Variants in GRIK1 observed in about 807,000 individuals in gnomAD.
The protein encoded by GRIK1 is glutamate receptor ionotropic, kainate 1.
Under a neutral mutation model 105.7 loss-of-function variants are expected in GRIK1, and 69 were observed. The observed-to-expected ratio is 0.65, with a 90% CI of 0.54 to 0.80. The LOEUF is 0.80. Among genes scored for constraint, GRIK1 ranks in the 30% least tolerant of loss-of-function variants. The pLI, the probability that GRIK1 is intolerant of heterozygous loss-of-function variation, is 0.00. For missense variants in GRIK1, 1,109 were observed against 1,167.3 expected (o/e 0.95, Z 0.73); for synonymous variants, 438 against 431.3 (o/e 1.02, Z -0.19).
intron 9 of GRIK1, among the ~76,000 whole-genome samples, chr21:29,591,515 T>A (rs1362286033): frequency 2.6e-5 from 4 of 152,198 alleles, no homozygotes; most frequent in Non-Finnish European, 5.9e-5. Context: ...AATTCTTAAA[T>A]GAATATCAGA....
At chr21:29,789,842 A>G (rs1280270466) in intron 1 of GRIK1, among the ~76,000 whole-genome samples, 1 of 152,160 alleles carries the variant, frequency 6.6e-6, no homozygotes, top group African/African-American at 2.4e-5. Flanking sequence ...TAATGGGGAA[A>G]CCAGTGTTTA....
chr21:29,937,030 G>C (rs1020889504), intron 1 of GRIK1, among the ~76,000 whole-genome samples: 1 of 152,152 alleles, frequency 6.6e-6, no homozygotes, highest in African/African-American at 2.4e-5. Flanking sequence ...TGGTTTGTTG[G>C]AAAGAAGAAT....
chr21:29,786,954 CT>C (rs2066276843), intron 1 of GRIK1, among the ~76,000 whole-genome samples: 1 of 152,184 alleles, frequency 6.6e-6, no homozygotes, highest in African/African-American at 2.4e-5. Flanking sequence ...TCACTAAACC[CT>C]TTCATAGCTC....
At chr21:29,925,433 T>C (rs1034218036) in intron 1 of GRIK1, among the ~76,000 whole-genome samples, 2 of 152,208 alleles carry the variant, frequency 1.3e-5, no homozygotes, top group African/African-American at 4.8e-5. Context: ...ATAATATATG[T>C]ATTTTTATAA....
At chr21:29,705,676 A>G (rs1171968690) in intron 1 of GRIK1, among the ~76,000 whole-genome samples, 2 of 152,172 alleles carry the variant, frequency 1.3e-5, no homozygotes, top group Admixed American at 1.3e-4. Context: ...TTCATATCAG[A>G]TTTATACTAT....
chr21:29,539,758 T>C (rs1242680198), intron 16 of GRIK1, among the ~76,000 whole-genome samples: 2 of 152,164 alleles, frequency 1.3e-5, no homozygotes, highest in Non-Finnish European at 2.9e-5. Context: ...GAAAAGAGTG[T>C]CAAGAAGTTT....
chr21:29,864,633 T>C (rs1385235835), intron 1 of GRIK1, among the ~76,000 whole-genome samples: 1 of 152,234 alleles, frequency 6.6e-6, no homozygotes. Context: ...ATTATAATAG[T>C]GTAGTTTGAA....
At chr21:29,561,352 A>G (rs920084833) in intron 15 of GRIK1, among the ~76,000 whole-genome samples, 6 of 152,272 alleles carry the variant, frequency 3.9e-5, no homozygotes, top group African/African-American at 1.4e-4. Flanking sequence ...TCTCTTTAAG[A>G]TATTTGGGGT....
chr21:29,754,048 C>T (rs1017616138), intron 1 of GRIK1, among the ~76,000 whole-genome samples: 2 of 152,034 alleles, frequency 1.3e-5, no homozygotes, highest in Non-Finnish European at 1.5e-5. Flanking sequence ...CTGCAGTATG[C>T]GGACCAGTCT....
intron 1 of GRIK1, among the ~76,000 whole-genome samples, chr21:29,694,363 A>G (rs996089713): frequency 1.3e-5 from 2 of 151,988 alleles, no homozygotes; most frequent in African/African-American, 4.8e-5. Flanking sequence ...ACCTCAGGTG[A>G]TCCACCCGCC....
intron 1 of GRIK1, among the ~76,000 whole-genome samples, chr21:29,784,439 T>C (rs562239940): frequency 4.6e-5 from 7 of 152,350 alleles, no homozygotes; most frequent in South Asian, 2.1e-4. Context: ...GGGATCAGAA[T>C]GACAACCCTC....
rs969309714 is a variant in GRIK1 at position 29,682,936 on chromosome 21, A to AC, written c.544+6791_544+6792insG. On this transcript the variant is annotated intron_variant, in intron 3 of 17. Transcript: ENST00000327783. ...ATAAAGAACTTACATCAACAAACAA[A>AC]AAAAAACCAAATAACCCCATTAAAA... Among the ~76,000 whole-genome samples, 15 of 152,130 alleles carry AC rather than the reference A, an allele frequency of 9.9e-5. No homozygotes were observed. In the East Asian group the frequency reaches 2.1e-3, roughly 22 times the overall value.
At chr21:29,684,373 A>T (rs2063445872) in intron 3 of GRIK1, among the ~76,000 whole-genome samples, 1 of 152,132 alleles carries the variant, frequency 6.6e-6, no homozygotes, top group African/African-American at 2.4e-5. Context: ...TATCTAATTG[A>T]TCATCTACCT....
Position 29,908,607 on chromosome 21 carries a change from G to C in GRIK1, c.118+30776C>G, listed in dbSNP as rs868558226. ...TCAAAATCAAGCTACCTCACTAGTC[G>C]AGACAAGCTGCATCTCAGGCATTTG... is the stretch of plus-strand genomic sequence containing the variant. On this transcript the variant is annotated intron_variant, in intron 1 of 17. Transcript: ENST00000327783. Among the ~76,000 whole-genome samples the C allele has an allele frequency of 3.2e-4, 49 of 152,188 alleles. 1 individual carries two copies. The highest frequency in any genetic ancestry group is 1.0e-3 in the African/African-American group (42 of 41,450).
At chr21:29,615,979 T>A (rs1268049026) in intron 7 of GRIK1, among the ~76,000 whole-genome samples, 1 of 152,224 alleles carries the variant, frequency 6.6e-6, no homozygotes, top group Non-Finnish European at 1.5e-5. Flanking sequence ...ACAGTACACC[T>A]GTTCTATTCT....
At chr21:29,864,755 G>A (rs556096683) in intron 1 of GRIK1, among the ~76,000 whole-genome samples, 1 of 151,916 alleles carries the variant, frequency 6.6e-6, no homozygotes, top group South Asian at 2.1e-4. Flanking sequence ...ATCGTTTGTT[G>A]TCCATCAGTT....
rs146300637 is a variant in GRIK1 at position 29,765,295 on chromosome 21, C to CT, written c.119-71233dup. Among the ~76,000 whole-genome samples the CT allele has an allele frequency of 9.2e-3, 1,406 of 152,178 alleles. 23 individuals carry two copies. The highest frequency in any genetic ancestry group is 0.032 in the African/African-American group (1,343 of 41,546). ...TTTTATAAGAAAATCTAATATGTCT[C>CT]TTTTTTCTGCTTGCTTTTATGAGTA... On this transcript the variant is annotated intron_variant, in intron 1 of 17. Coordinates refer to ENST00000327783, the MANE Select transcript of GRIK1 (RefSeq NM_001330994.2).
intron 1 of GRIK1, among the ~76,000 whole-genome samples, chr21:29,722,777 T>G (rs2064355428): frequency 6.6e-6 from 1 of 152,158 alleles, no homozygotes. Flanking sequence ...TATTCTGCTA[T>G]TTGCCATTGT....
intron 1 of GRIK1, among the ~76,000 whole-genome samples, chr21:29,905,502 G>A (rs1183388682): frequency 6.6e-6 from 1 of 150,998 alleles, no homozygotes; most frequent in Non-Finnish European, 1.5e-5. Flanking sequence ...CTGGAGTGCA[G>A]CAGTGCAATC....
Sources: gnomAD v4.1 joint callset for allele counts (sites outside exome capture counted in the v4.1 genomes callset) on GRCh38, gnomAD v4.1.1 for gene constraint, MANE v1.5 for transcripts, NCBI Gene and HGNC (gene_info 2026-07-23, HGNC 2026-07-21) for gene names.